Variants in SKP1 observed in about 807,000 individuals in gnomAD.
SKP1 encodes S-phase kinase-associated protein 1.
In SKP1, 1 loss-of-function variant was observed where a neutral mutation model predicts 21.5. The ratio of observed to expected loss-of-function variants is 0.05; its 90% CI spans 0.02 to 0.22. The LOEUF (loss-of-function observed/expected upper bound fraction) is 0.22. Among genes scored for constraint, SKP1 ranks in the 10% least tolerant of loss-of-function variants. SKP1 has a pLI of 1.00. For missense variants in SKP1, 70 were observed against 192.0 expected (o/e 0.36, Z 3.76); for synonymous variants, 59 against 59.3 (o/e 0.99, Z 0.03).
At chr5:134,166,127 G>A (rs1187121614) in intron 3 of SKP1, among the ~76,000 whole-genome samples, 1 of 151,506 alleles carries the variant, frequency 6.6e-6, no homozygotes. Context: ...AGAGGCTGCA[G>A]TGAGCTGAGA....
chr5:134,158,440 CTG>C lies in SKP1; in HGVS notation c.456+13_456+14del. On this transcript the variant is annotated intron_variant, in intron 5 of 5. Transcript: ENST00000353411. Reference sequence around the variant, plus strand: ...TAAGAGCATGTGATCAAAGACAAAACTGTGTGCTACCTACCTGGGCTTCCTCC... The same window carrying C: ...TAAGAGCATGTGATCAAAGACAAAACTGTGCTACCTACCTGGGCTTCCTCC... The C allele has an allele frequency of 6.2e-7, 1 of 1,614,006 alleles. No individual in the cohort carries two copies. The highest frequency in any genetic ancestry group is 8.5e-7 in the Non-Finnish European group (1 of 1,179,958).
intron 3 of SKP1, among the ~76,000 whole-genome samples, chr5:134,163,248 A>AAAAAATAAAAATTT (rs1761254938): frequency 1.4e-5 from 2 of 148,056 alleles, no homozygotes; most frequent in Non-Finnish European, 3.0e-5. Flanking sequence ...CACTACTAAC[A>AAAAAATAAAAATTT]AAAAATAAAA....
rs981978537 is a variant in SKP1, at chr5:134,156,351, A to G, written c.*1382T>C. The G allele has an allele frequency of 2.0e-5, 3 of 152,198 alleles. No individual in the cohort carries two copies. Among genetic ancestry groups the G allele is most frequent in the African/African-American group, 4.8e-5 (2 of 41,448 alleles). The allele number at this position is 152,198 out of a possible 1,614,324, so 9.4% of individuals were successfully genotyped here. ...GCTATGGGCCTGATTTGACCCACAC[A>G]TTATAGTTTCCTATCTCTGGTACAG... On this transcript the variant is annotated 3_prime_UTR_variant, in exon 6 of 6. Transcript: ENST00000353411.
At chr5:134,173,782 G>T (rs910874456) in intron 2 of SKP1, 144 bp downstream of exon 2, 1 of 707,084 alleles carries the variant, frequency 1.4e-6, no homozygotes, top group South Asian at 1.5e-5. Flanking sequence ...TCAGAAAAAT[G>T]TAAGTTATAA....
intron 3 of SKP1, 128 bp from the exon 4 acceptor site, chr5:134,161,258 G>A: frequency 1.3e-6 from 1 of 784,188 alleles, no homozygotes; most frequent in Non-Finnish European, 1.9e-6. Context: ...TAACAGCCAA[G>A]CTTGAAAAAC....
intron 5 of SKP1, 189 bp from the exon 6 acceptor site, chr5:134,157,957 C>T (rs1175587661): frequency 6.6e-7 from 1 of 1,523,892 alleles, no homozygotes; most frequent in African/African-American, 1.4e-5. Flanking sequence ...TTTATTCTGC[C>T]CTGCTGAAAT....
chr5:134,167,117 C>T (rs1761347276), intron 3 of SKP1, 53 bp downstream of exon 3: 12 of 837,286 alleles, frequency 1.4e-5, no homozygotes, highest in Non-Finnish European at 2.2e-5. Context: ...TTGTATTAAT[C>T]AATTGGTGTT....
intron 1 of SKP1, chr5:134,175,328 T>A (rs1020604784): frequency 6.6e-6 from 1 of 152,248 alleles, no homozygotes; most frequent in African/African-American, 2.4e-5. Flanking sequence ...CACTTTGCGA[T>A]TCACAAACAT....
At position 134,152,222 on chromosome 5, in the gene SKP1, T is replaced by C. The variant is rs1275128766; in HGVS notation, c.*5511A>G. ...AATTAAAATTAAAAAAATTAGAATTTAGCTCACTCAAAAATTGCCCTGCCT... is the reference window on the plus strand; with the variant it reads ...AATTAAAATTAAAAAAATTAGAATTCAGCTCACTCAAAAATTGCCCTGCCT... On this transcript the variant is annotated 3_prime_UTR_variant, in exon 6 of 6. Transcript: ENST00000353411. 6.8e-6 allele frequency: 1 copy of C among 146,124 alleles called. No individual in the cohort carries two copies. The highest frequency in any genetic ancestry group is 1.5e-5 in the Non-Finnish European group (1 of 67,864). 9.1% of individuals were successfully genotyped at this position (146,124 alleles called of 1,614,324 possible).
In SKP1 at chr5:134,164,461, T is replaced by A. The variant is rs578016927; in HGVS notation, c.171+2709A>T. Among the ~76,000 whole-genome samples the A allele has an allele frequency of 5.3e-4, 80 of 152,270 alleles. 2 individuals are homozygous for A. The highest frequency in any genetic ancestry group is 1.7e-3 in the African/African-American group (72 of 41,544). On this transcript the variant is annotated intron_variant, in intron 3 of 5. Coordinates refer to ENST00000353411, the MANE Select transcript of SKP1 (RefSeq NM_170679.3). The stretch of plus-strand genomic sequence containing the variant: ...CATTCCCTTCTTTATTCTCCATAGT[T>A]TTTCCATTTGATGTATTTCTAATGT...
intron 2 of SKP1, 24 bp from the exon 3 acceptor site, chr5:134,167,267 C>A: frequency 6.8e-7 from 1 of 1,460,592 alleles, no homozygotes; most frequent in Non-Finnish European, 9.6e-7. Context: ...AAGAAAGTTT[C>A]TATTTCCTAA....
intron 3 of SKP1, among the ~76,000 whole-genome samples, chr5:134,162,303 T>A (rs540404404): frequency 6.6e-6 from 1 of 152,262 alleles, no homozygotes; most frequent in Admixed American, 6.5e-5. Flanking sequence ...TAAGGTTTCA[T>A]CATGTTGCAA....
At chr5:134,168,105 G>A (rs1761368546) in intron 2 of SKP1, among the ~76,000 whole-genome samples, 1 of 152,208 alleles carries the variant, frequency 6.6e-6, no homozygotes, top group African/African-American at 2.4e-5. Flanking sequence ...AAACTTGTGT[G>A]AGTACACAAA....
intron 3 of SKP1, among the ~76,000 whole-genome samples, chr5:134,162,223 C>T (rs879300041): frequency 6.6e-6 from 1 of 152,122 alleles, no homozygotes; most frequent in Non-Finnish European, 1.5e-5. Flanking sequence ...ACCTCAGCCT[C>T]CCAAGTAGCT....
intron 1 of SKP1, among the ~76,000 whole-genome samples, chr5:134,174,274 T>C (rs1366576380): frequency 6.6e-6 from 1 of 152,236 alleles, no homozygotes; most frequent in Non-Finnish European, 1.5e-5. Context: ...AACTCACTAT[T>C]GGTATAAATT....
Position 134,155,405 on chromosome 5 carries a change from TC to T in SKP1, c.*2327del, listed in dbSNP as rs1383610757. ...TACTGCAACCAGACTGAAAAGGGCTTCTTAATACCATGTCTATGATTTATTT... is the reference window on the plus strand; with the variant it reads ...TACTGCAACCAGACTGAAAAGGGCTTTTAATACCATGTCTATGATTTATTT... On this transcript the variant is annotated 3_prime_UTR_variant, in exon 6 of 6. Transcript: ENST00000353411. The T allele has an allele frequency of 6.6e-6, 1 of 152,206 alleles. No individual in the cohort carries two copies. The highest frequency in any genetic ancestry group is 1.5e-5 in the Non-Finnish European group (1 of 68,026). The allele number at this position is 152,206 out of a possible 1,614,324, so 9.4% of individuals were successfully genotyped here. A position where few individuals can be genotyped will look rare whatever the true frequency, so the allele number is the denominator to read the frequency against.
Position 134,149,109 on chromosome 5 carries a change from A to G in SKP1, c.*8624T>C, listed in dbSNP as rs949430698. The G allele has an allele frequency of 6.6e-6, 1 of 152,186 alleles. No homozygotes were observed. Among genetic ancestry groups the G allele is most frequent in the African/African-American group, 2.4e-5 (1 of 41,412 alleles). The allele number at this position is 152,186 out of a possible 1,614,324, so 9.4% of individuals were successfully genotyped here. On this transcript the variant is annotated 3_prime_UTR_variant, in exon 6 of 6. Transcript: ENST00000353411. Reference sequence around the variant, plus strand: ...GGGGGTACAAGTGCAGCTGTGTTACATGAACATACTGGGTAGCGGTGAGGT... The same window carrying G: ...GGGGGTACAAGTGCAGCTGTGTTACGTGAACATACTGGGTAGCGGTGAGGT...
rs768563166 is a variant in SKP1 at position 134,175,730 on chromosome 5, G to A, written c.-1+1125C>T. On this transcript the variant is annotated intron_variant, in intron 1 of 5. Transcript: ENST00000353411. ...TGGTCAATCGGTTAATCTGTAATTC[G>A]ATGCACTTGGTAATACTAAACTCAA... is the stretch of plus-strand genomic sequence containing the variant. Among the ~76,000 whole-genome samples, 8 of 152,168 alleles carry A rather than the reference G, an allele frequency of 5.3e-5. No homozygotes were observed. In the South Asian group the frequency reaches 1.0e-3, roughly 20 times the overall value.
At chr5:134,157,793 T>C (rs763655405) in intron 5 of SKP1, 25 bp from the exon 6 acceptor site, 19 of 1,612,854 alleles carry the variant, frequency 1.2e-5, no homozygotes, top group Middle Eastern at 3.3e-4. Context: ...TATAGGGAAG[T>C]ACCTTAACTT....
Sources: gnomAD v4.1 joint callset for allele counts (sites outside exome capture counted in the v4.1 genomes callset) on GRCh38, gnomAD v4.1.1 for gene constraint, MANE v1.5 for transcripts, NCBI Gene and HGNC (gene_info 2026-07-23, HGNC 2026-07-21) for gene names.